OPN1LW: variants seen among roughly 807,000 people sequenced by gnomAD.
OPN1LW encodes the protein long-wave-sensitive opsin 1.
OPN1LW carries 4 observed loss-of-function variants against 18.1 expected under a neutral mutation model. The observed-to-expected ratio is 0.22, with a 90% CI of 0.11 to 0.51. The LOEUF is 0.51. Ranked by LOEUF, OPN1LW falls within the 20% of genes least tolerant of loss-of-function variation. The pLI, the probability that OPN1LW is intolerant of heterozygous loss-of-function variation, is 0.97. For synonymous variants in OPN1LW, 86 were observed against 101.2 expected, an observed-to-expected ratio of 0.85 and a Z score of 0.90; for missense variants, 164 against 234.9, an observed-to-expected ratio of 0.70 and a Z score of 1.97.
At chrX:154,149,263 C>T (rs2067066515) in intron 1 of OPN1LW, among the ~76,000 whole-genome samples, 3 of 101,459 alleles carry the variant, frequency 3.0e-5, no homozygotes, top group Non-Finnish European at 5.7e-5. Flanking sequence ...CATGGTGGCT[C>T]ATGCCTGCAA....
chrX:154,149,431 C>G (rs868979716), intron 1 of OPN1LW, among the ~76,000 whole-genome samples: 5 of 97,499 alleles, frequency 5.1e-5, no homozygotes, highest in Non-Finnish European at 9.7e-5. Context: ...ACTCCGGAGG[C>G]TGAGGCAGGA....
rs782171425 is a variant in OPN1LW, at chrX:154,151,006, T to A, written c.409+54T>A. The A allele has an allele frequency of 6.8e-6, 8 of 1,168,490 alleles. 1 individual carries two copies. In the East Asian group the frequency reaches 8.9e-5, roughly 13 times the overall value. On this transcript the variant is annotated intron_variant, in intron 2 of 5. Coordinates refer to ENST00000369951, the MANE Select transcript of OPN1LW (RefSeq NM_020061.6). ...GAAACCACTCATTCACCCTGCAAGC[T>A]CCTCCAGCCACCTCATGATGATCGG...
chrX:154,151,015 C>G (rs146138552), intron 2 of OPN1LW, 63 bp downstream of exon 2: 98,773 of 1,169,792 alleles, frequency 0.084, 5,329 homozygotes, highest in Non-Finnish European at 0.095. Flanking sequence ...CTCCTCCAGC[C>G]ACCTCATGAT....
intron 5 of OPN1LW, among the ~76,000 whole-genome samples, 198 bp downstream of exon 5, chrX:154,156,731 A>T (rs2067087024): frequency 9.5e-6 from 1 of 104,754 alleles, no homozygotes; most frequent in African/African-American, 3.7e-5. Flanking sequence ...CAGAAGGCTT[A>T]GGTGTGCCCT....
intron 2 of OPN1LW, 33 bp downstream of exon 2, chrX:154,150,985 C>G (rs1340936916): frequency 1.7e-6 from 2 of 1,175,668 alleles, no homozygotes; most frequent in African/African-American, 4.9e-5. Context: ...TCGGCGGAAA[C>G]CACTCATTCA....
At chrX:154,154,854 G>T in intron 4 of OPN1LW, 115 bp downstream of exon 4, 1 of 531,856 alleles carries the variant, frequency 1.9e-6, no homozygotes, top group South Asian at 2.4e-5. Context: ...TAGAGAAGAG[G>T]ATTTTACCCC....
Position 154,150,900 on chromosome X carries a change from C to T in OPN1LW, c.357C>T (p.Phe119=), listed in dbSNP as rs782670567. 4.4e-5 allele frequency: 52 copies of T among 1,194,933 alleles called. No individual in the cohort carries two copies. The highest frequency in any genetic ancestry group is 7.1e-5 in the South Asian group (4 of 56,331). Residue 119 remains phenylalanine, a synonymous_variant, in exon 2 of 6, where the codon TTC becomes TTT. Transcript: ENST00000369951. The stretch of plus-strand genomic sequence containing the variant: ...TTGTGAACCAGGTCTCTGGCTACTT[C>T]GTGCTGGGCCACCCTATGTGTGTCC... ...ISIVNQVSGY[F]VLGHPMCVLE... is the part of the protein sequence containing the mutation.
In OPN1LW at chrX:154,148,255, G is replaced by T. The variant is rs782257692; in HGVS notation, c.113-2401G>T. Among the ~76,000 whole-genome samples, 5 of 102,500 alleles carry T rather than the reference G, an allele frequency of 4.9e-5. No homozygotes were observed. In the South Asian group the frequency reaches 2.0e-3, roughly 41 times the overall value. 89.0% of individuals were successfully genotyped at this position (102,500 alleles called of 115,157 possible). A position where few individuals can be genotyped will look rare whatever the true frequency, so the allele number is the denominator to read the frequency against. ...CAGAGCCAGGCTCTATCTCTATTTG[G>T]TGTTGTTGTTGTTGCTGTTGTTGTT... On this transcript the variant is annotated intron_variant, in intron 1 of 5. Coordinates refer to ENST00000369951, the MANE Select transcript of OPN1LW (RefSeq NM_020061.6).
At chrX:154,149,077 C>T (rs1354139646) in intron 1 of OPN1LW, among the ~76,000 whole-genome samples, 1 of 103,211 alleles carries the variant, frequency 9.7e-6, no homozygotes, top group African/African-American at 4.2e-5. Context: ...TGGTGGCGGG[C>T]GCCTGTAGTC....
intron 1 of OPN1LW, among the ~76,000 whole-genome samples, chrX:154,149,074 G>A (rs1417123563): frequency 3.9e-5 from 4 of 103,524 alleles, no homozygotes; most frequent in Non-Finnish European, 7.6e-5. Context: ...GCGTGGTGGC[G>A]GGCGCCTGTA....
At chrX:154,149,007 C>A (rs1437181195) in intron 1 of OPN1LW, among the ~76,000 whole-genome samples, 1 of 103,106 alleles carries the variant, frequency 9.7e-6, no homozygotes, top group Non-Finnish European at 1.9e-5. Flanking sequence ...AGATTGAGAT[C>A]ATCCTAGCTA....
At chrX:154,154,829 T>G in intron 4 of OPN1LW, 90 bp downstream of exon 4, 1 of 739,314 alleles carries the variant, frequency 1.4e-6, no homozygotes, top group Non-Finnish European at 2.0e-6. Flanking sequence ...CCTAAACTAT[T>G]TTTCCAAAAA....
rs782018453 is a variant in OPN1LW at position 154,156,681 on chromosome X, G to A, written c.984+148G>A. 5.0e-4 allele frequency: 514 copies of A among 1,036,528 alleles called. 8 individuals carry two copies. In the East Asian group the frequency reaches 0.015, roughly 31 times the overall value. 85.4% of individuals were successfully genotyped at this position (1,036,528 alleles called of 1,213,427 possible). On this transcript the variant is annotated intron_variant, in intron 5 of 5. Coordinates refer to ENST00000369951, the MANE Select transcript of OPN1LW (RefSeq NM_020061.6). ...GGGAAATGACCGGGAAAGGCTCAGC[G>A]TGTGACCCAGCCCCAGCCAGAGCTC...
At chrX:154,148,442 CTTTTG>C (rs2067062967) in intron 1 of OPN1LW, among the ~76,000 whole-genome samples, 1 of 102,133 alleles carries the variant, frequency 9.8e-6, no homozygotes, top group Non-Finnish European at 1.9e-5. Flanking sequence ...ATTTTTTTTT[CTTTTG>C]TATTTTTAGT....
At chrX:154,144,558 TAGA>T (rs2067054027) in intron 1 of OPN1LW, among the ~76,000 whole-genome samples, 163 bp downstream of exon 1, 1 of 38,064 alleles carries the variant, frequency 2.6e-5, no homozygotes, top group Non-Finnish European at 4.9e-5. Flanking sequence ...TCTCCAAATC[TAGA>T]AGGACACCAT....
Position 154,156,477 on chromosome X carries a change from T to C in OPN1LW, c.928T>C (p.Phe310Leu). Residue 310 changes from phenylalanine (F) to leucine (L), a missense_variant, in exon 5 of 6, where the codon TTT becomes CTT. By Grantham distance (22) the Phe-to-Leu change is conservative. Transcript: ENST00000369951. ...TTTGATGGCTGCCCTGCCGGCCTAC[T>C]TTGCCAAAAGTGCCACTATCTACAA... is the stretch of plus-strand genomic sequence containing the variant. Reference protein sequence around the residue: ...HPLMAALPAYFAKSATIYNPV... With the variant: ...HPLMAALPAYLAKSATIYNPV... The C allele has an allele frequency of 8.3e-7, 1 of 1,204,809 alleles. No homozygotes were observed. The highest frequency in any genetic ancestry group is 1.1e-6 in the Non-Finnish European group (1 of 890,446).
At chrX:154,148,104 C>T (rs1210052241) in intron 1 of OPN1LW, among the ~76,000 whole-genome samples, 1 of 98,280 alleles carries the variant, frequency 1.0e-5, no homozygotes, top group Non-Finnish European at 1.9e-5. Context: ...TAATGCACGG[C>T]TTGTAGTCCC....
rs1178068218 is a variant in OPN1LW, at chrX:154,149,405, G to C, written c.113-1251G>C. Among the ~76,000 whole-genome samples the C allele has an allele frequency of 1.5e-4, 15 of 97,513 alleles. 2 individuals carry two copies. Among genetic ancestry groups the C allele is most frequent in the African/African-American group, 6.5e-4 (14 of 21,378 alleles). 84.7% of individuals were successfully genotyped at this position (97,513 alleles called of 115,157 possible). On this transcript the variant is annotated intron_variant, in intron 1 of 5. Transcript: ENST00000369951. ...TAGCTGGGTGTGGTGGTGGGTGCCT[G>C]TAAATCCCAGCTACTACTCCGGAGG...
intron 3 of OPN1LW, among the ~76,000 whole-genome samples, chrX:154,154,169 T>TGA (rs1291204481): frequency 1.0e-5 from 1 of 97,815 alleles, no homozygotes; most frequent in Non-Finnish European, 2.0e-5. Context: ...TCTCACTGTG[T>TGA]TCCAGGCTAG....
Sources: gnomAD v4.1 joint callset for allele counts (sites outside exome capture counted in the v4.1 genomes callset) on GRCh38, gnomAD v4.1.1 for gene constraint, MANE v1.5 for transcripts, NCBI Gene and HGNC (gene_info 2026-07-23, HGNC 2026-07-21) for gene names.